The following CECR2 variants were observed in gnomAD, a reference collection of about 807,000 sequenced individuals.
The protein encoded by CECR2 is chromatin remodeling regulator CECR2.
In CECR2, 30 loss-of-function variants were observed where a neutral mutation model predicts 154.5. That is an observed-to-expected ratio of 0.19 (90% CI 0.15 to 0.26). The LOEUF is 0.26. Ranked by LOEUF, CECR2 falls within the 10% of genes least tolerant of loss-of-function variation. The probability of loss-of-function intolerance (pLI) is 1.00; values close to 1 mark genes in which losing one functional copy is unlikely to be tolerated. For synonymous variants in CECR2, 725 were observed against 683.7 expected (o/e 1.06, Z -0.94); for missense variants, 1,743 against 1,829.3 (o/e 0.95, Z 0.86).
chr22:17,542,264 A>G lies in CECR2; in HGVS notation c.2121A>G (p.Gly707=). The G allele has an allele frequency of 1.9e-6, 3 of 1,611,028 alleles. No individual in the cohort carries two copies. Among genetic ancestry groups the G allele is most frequent in the Non-Finnish European group, 2.5e-6 (3 of 1,178,550 alleles). Residue 707 remains glycine (G), a synonymous_variant, in exon 16 of 19, where the codon GGA becomes GGG. Coordinates refer to ENST00000262608, the MANE Select transcript of CECR2 (RefSeq NM_001290047.2). ...TTTCTAACATGGGCCCACACCCTGG[A>G]TCCTTGCAGCTTGGGCAGATAAGTG... ...THLSNMGPHP[G]SLQLGQISGP...
chr22:17,431,986 A>C (rs1233933040), intron 1 of CECR2, among the ~76,000 whole-genome samples: 2 of 152,194 alleles, frequency 1.3e-5, no homozygotes, highest in South Asian at 2.1e-4. Context: ...TTGTGCCTGT[A>C]TGGATTTTGC....
intron 2 of CECR2, among the ~76,000 whole-genome samples, chr22:17,487,782 T>C (rs1042142181): frequency 1.3e-5 from 2 of 152,208 alleles, no homozygotes; most frequent in Admixed American, 1.3e-4. Flanking sequence ...CGCAGACTGA[T>C]TTGTGCTTCA....
intron 1 of CECR2, among the ~76,000 whole-genome samples, chr22:17,381,835 G>T (rs942228295): frequency 6.6e-6 from 1 of 152,126 alleles, no homozygotes; most frequent in Non-Finnish European, 1.5e-5. Flanking sequence ...TGCTTCTGGG[G>T]GTCATGCTGA....
At chr22:17,368,673 G>A (rs1183923219), upstream of CECR2, among the ~76,000 whole-genome samples, 2 of 151,980 alleles carry the variant, frequency 1.3e-5, no homozygotes, top group East Asian at 3.9e-4. Flanking sequence ...CCATCCCCCC[G>A]CCTTCCAAGC....
intron 2 of CECR2, among the ~76,000 whole-genome samples, chr22:17,479,591 G>A (rs5747201): frequency 0.024 from 3,526 of 149,618 alleles, 138 homozygotes; most frequent in East Asian, 0.22. Context: ...CCTCTAATTT[G>A]TCCTTCTGTT....
At chr22:17,492,561 C>T (rs1272715883) in intron 2 of CECR2, among the ~76,000 whole-genome samples, 2 of 152,080 alleles carry the variant, frequency 1.3e-5, no homozygotes, top group East Asian at 1.9e-4. Context: ...TTCTTATTTT[C>T]ACTCTTTCTT....
intron 1 of CECR2, among the ~76,000 whole-genome samples, chr22:17,407,203 T>C (rs529935516): frequency 7.3e-4 from 111 of 152,352 alleles, no homozygotes; most frequent in African/African-American, 2.6e-3. Flanking sequence ...TTAAGGATCA[T>C]TCAGTGTAAA....
intron 9 of CECR2, among the ~76,000 whole-genome samples, chr22:17,533,344 T>C (rs918701982): frequency 2.1e-5 from 3 of 143,408 alleles, no homozygotes; most frequent in African/African-American, 5.2e-5. Context: ...AAAAAAATTA[T>C]GATAGCTGGG....
intron 2 of CECR2, 137 bp downstream of exon 2, chr22:17,477,819 C>T (rs188193660): frequency 2.3e-4 from 149 of 639,850 alleles, no homozygotes; most frequent in East Asian, 2.0e-3. Flanking sequence ...AGGACGTACA[C>T]GTAAATTTCC....
chr22:17,549,342 A>T lies in CECR2; in HGVS notation c.4055A>T (p.Gln1352Leu). The change falls in exon 17 of 19, where the codon CAG (glutamine) becomes CTG (leucine). Residue 1352 changes from glutamine (Q) to leucine (L), a missense_variant. By Grantham distance (113) the Gln-to-Leu change is moderately radical. This residue lies in a region of CECR2 where 1,250 missense variants were observed against 1,192.1 expected (regional missense o/e 1.05). Coordinates refer to ENST00000262608, the MANE Select transcript of CECR2 (RefSeq NM_001290047.2). ...MLQTGPPYTPQRPASHFQPRA... is the reference protein window; with the variant it reads ...MLQTGPPYTPLRPASHFQPRA... ...CAGACGGGGCCTCCCTATACCCCTC[A>T]GCGGCCGGCCAGTCACTTTCAGCCC... 6 of 1,613,876 alleles carry T rather than the reference A, an allele frequency of 3.7e-6. No individual in the cohort carries two copies. Among genetic ancestry groups the T allele is most frequent in the Non-Finnish European group, 5.1e-6 (6 of 1,179,850 alleles).
intron 9 of CECR2, among the ~76,000 whole-genome samples, chr22:17,533,914 A>G (rs2056397996): frequency 6.6e-6 from 1 of 151,702 alleles, no homozygotes; most frequent in African/African-American, 2.4e-5. Flanking sequence ...GGGTTTCTCC[A>G]TGTTGGTCAG....
intron 13 of CECR2, 144 bp from the exon 14 acceptor site, chr22:17,540,266 CAT>C: frequency 1.4e-6 from 1 of 694,402 alleles, no homozygotes; most frequent in Non-Finnish European, 2.2e-6. Context: ...GAATTAAACT[CAT>C]AGATTACCCA....
At position 17,490,051 on chromosome 22, in the gene CECR2, T is replaced by G. The variant is rs1038080226; in HGVS notation, c.222-7352T>G. ...TATTATTGTTTAAAACATGCTCTCC[T>G]TTATTTCTTCTGTGACCCAAAAGTG... On this transcript the variant is annotated intron_variant, in intron 2 of 18. Transcript: ENST00000262608. 3.3e-5 allele frequency among the ~76,000 whole-genome samples: 5 copies of G among 152,186 alleles called. No homozygotes were observed. In the East Asian group the frequency reaches 9.6e-4, roughly 29 times the overall value.
intron 1 of CECR2, among the ~76,000 whole-genome samples, chr22:17,415,448 C>T (rs1211351951): frequency 6.6e-6 from 1 of 152,102 alleles, no homozygotes; most frequent in Non-Finnish European, 1.5e-5. Context: ...CGCCATATTG[C>T]CCAGACTGGT....
intron 1 of CECR2, among the ~76,000 whole-genome samples, chr22:17,361,760 AAG>A (rs1377345156): frequency 1.3e-5 from 2 of 151,636 alleles, no homozygotes; most frequent in East Asian, 1.9e-4. Context: ...AAAAAAAAAA[AAG>A]AGAGAGAGAG....
intron 2 of CECR2, among the ~76,000 whole-genome samples, chr22:17,493,432 T>C (rs1260802023): frequency 1.3e-5 from 2 of 152,214 alleles, no homozygotes; most frequent in Non-Finnish European, 2.9e-5. Flanking sequence ...ATTTTTAGCT[T>C]CCTGAAGCCT....
At chr22:17,441,514 T>C (rs1170492574) in intron 1 of CECR2, among the ~76,000 whole-genome samples, 1 of 152,206 alleles carries the variant, frequency 6.6e-6, no homozygotes, top group Non-Finnish European at 1.5e-5. Context: ...TCATTTATTC[T>C]AACGTGATGA....
intron 1 of CECR2, among the ~76,000 whole-genome samples, chr22:17,376,644 G>C (rs866537206): frequency 2.8e-5 from 4 of 143,798 alleles, no homozygotes; most frequent in Non-Finnish European, 4.6e-5. Context: ...CTTTTTTTTT[G>C]TTTTTTTTTT....
At chr22:17,414,127 C>A (rs908632879) in intron 1 of CECR2, among the ~76,000 whole-genome samples, 16 of 151,720 alleles carry the variant, frequency 1.1e-4, no homozygotes, top group African/African-American at 3.9e-4. Flanking sequence ...TGCCTGCCAC[C>A]ACGCCTGGCT....
Sources: gnomAD v4.1 joint callset for allele counts (sites outside exome capture counted in the v4.1 genomes callset) on GRCh38, gnomAD v4.1.1 for gene constraint, gnomAD v4.1.1 regional missense constraint, MANE v1.5 for transcripts, NCBI Gene and HGNC (gene_info 2026-07-23, HGNC 2026-07-21) for gene names.